The following RORA variants were observed in gnomAD, a reference collection of about 807,000 sequenced individuals.
RORA encodes the protein RAR related orphan receptor A.
In RORA, 7 loss-of-function variants were observed where a neutral mutation model predicts 69.5. The ratio of observed to expected loss-of-function variants is 0.10; its 90% confidence interval spans 0.06 to 0.19. The LOEUF (loss-of-function observed/expected upper bound fraction) is 0.19, where lower values mean the gene tolerates loss of function less well. Ranked by LOEUF, RORA falls within the 10% of genes least tolerant of loss-of-function variation. The pLI is 1.00. For missense variants in RORA, 457 were observed against 663.0 expected, an observed-to-expected ratio of 0.69 and a Z score of 3.41; for synonymous variants, 261 against 240.8, an observed-to-expected ratio of 1.08 and a Z score of -0.78.
chr15:61,207,158 G>GCA lies in RORA; in HGVS notation c.166+21893_166+21894dup, dbSNP rs148958292. Among the ~76,000 whole-genome samples, 586 of 151,670 alleles carry GCA rather than the reference G, an allele frequency of 3.9e-3. 1 individual carries two copies. The highest frequency in any genetic ancestry group is 6.9e-3 in the South Asian group (33 of 4,780). ...CACACACATGCATATATACACACAT[G>GCA]CACACACACACATACTACTTGTTGG... On this transcript the variant is annotated intron_variant, in intron 1 of 10. Coordinates refer to ENST00000335670, the MANE Select transcript of RORA (RefSeq NM_134261.3).
chr15:60,751,735 G>A (rs144933083), intron 1 of RORA, among the ~76,000 whole-genome samples: 4 of 152,206 alleles, frequency 2.6e-5, no homozygotes, highest in East Asian at 1.9e-4. Context: ...GCTTGGTGTC[G>A]CTATCCCTTC....
At chr15:60,995,728 CA>C (rs1024056845) in intron 1 of RORA, among the ~76,000 whole-genome samples, 2 of 152,206 alleles carry the variant, frequency 1.3e-5, no homozygotes, top group African/African-American at 4.8e-5. Context: ...CCCTACAAGA[CA>C]GTGAAGGCTT....
intron 2 of RORA, among the ~76,000 whole-genome samples, chr15:60,597,909 C>T (rs72748740): frequency 3.4e-4 from 51 of 151,720 alleles, no homozygotes; most frequent in Non-Finnish European, 6.9e-4. Context: ...TATGCTGTGC[C>T]GTATCTGCTT....
At chr15:61,141,113 G>A (rs751560339) in intron 1 of RORA, among the ~76,000 whole-genome samples, 1 of 152,124 alleles carries the variant, frequency 6.6e-6, no homozygotes, top group African/African-American at 2.4e-5. Context: ...GCCAAAAACT[G>A]ATCAAGGAGT....
chr15:60,530,212 TG>T (rs1451457265), intron 3 of RORA: 1 of 152,220 alleles, frequency 6.6e-6, no homozygotes, highest in Non-Finnish European at 1.5e-5. Flanking sequence ...GCGATGACAG[TG>T]GTCACAGGCA....
At position 60,490,172 on chromosome 15, in the gene RORA, G is replaced by GTA. The variant is rs1166396982; in HGVS notation, c.*7281_*7282dup. 7.6e-6 allele frequency: 1 copy of GTA among 131,464 alleles called. No individual in the cohort carries two copies. The highest frequency in any genetic ancestry group is 2.8e-5 in the African/African-American group (1 of 35,504). 8.1% of individuals were successfully genotyped at this position (131,464 alleles called of 1,614,324 possible). ...GGCATAGGTAGATATATATATATAT[G>GTA]TATATATATACAAATATATAGTTAT... On this transcript the variant is annotated 3_prime_UTR_variant, in exon 11 of 11. Coordinates refer to ENST00000335670, the MANE Select transcript of RORA (RefSeq NM_134261.3). This position sits in a 1 kb window ranked among gnomAD's most constrained non-coding sequence, Gnocchi z 4.1.
intron 1 of RORA, among the ~76,000 whole-genome samples, chr15:61,110,522 T>C (rs1285440836): frequency 6.6e-6 from 1 of 152,210 alleles, no homozygotes; most frequent in African/African-American, 2.4e-5. Flanking sequence ...GAGTGTACTC[T>C]TATTTTTTTT....
rs552839533 is a variant in RORA at position 61,200,431 on chromosome 15, G to A, written c.166+28622C>T. On this transcript the variant is annotated intron_variant, in intron 1 of 10. Coordinates refer to ENST00000335670, the MANE Select transcript of RORA (RefSeq NM_134261.3). ...TAACTTTCTGGAACATAGAGTCACC[G>A]CAGGATCCATCGGGGCCCAGAGCAA... Among the ~76,000 whole-genome samples, 15 of 152,238 alleles carry A rather than the reference G, an allele frequency of 9.9e-5. 1 individual carries two copies. The highest frequency in any genetic ancestry group is 7.7e-4 in the East Asian group (4 of 5,172).
intron 1 of RORA, among the ~76,000 whole-genome samples, chr15:61,026,695 T>C (rs906602984): frequency 1.3e-5 from 2 of 152,194 alleles, no homozygotes; most frequent in Non-Finnish European, 2.9e-5. Context: ...AACTAAACTT[T>C]TATTGATAGA....
At chr15:61,124,907 T>A (rs2079130970) in intron 1 of RORA, among the ~76,000 whole-genome samples, 1 of 152,204 alleles carries the variant, frequency 6.6e-6, no homozygotes, top group Non-Finnish European at 1.5e-5. Context: ...AATCTTTGGG[T>A]CTTATTTCCA....
chr15:60,896,761 G>C (rs1465929742), intron 1 of RORA, among the ~76,000 whole-genome samples: 1 of 138,340 alleles, frequency 7.2e-6, no homozygotes, highest in Non-Finnish European at 1.5e-5. Flanking sequence ...TGGCTGCATA[G>C]CCAAGGGAAT....
In RORA at chr15:60,866,791, T is replaced by A. The variant is rs868336465; in HGVS notation, c.167-188105A>T. 1.1e-4 allele frequency among the ~76,000 whole-genome samples: 16 copies of A among 151,938 alleles called. 1 individual carries two copies. Among genetic ancestry groups the A allele is most frequent in the Admixed American group, 1.0e-3 (16 of 15,262 alleles). ...TATCTTGTCTTATGCATCTTTTCCA[T>A]CTGGGTGTTCCTGAGTTGTATCTTA... On this transcript the variant is annotated intron_variant, in intron 1 of 10. Coordinates refer to ENST00000335670, the MANE Select transcript of RORA (RefSeq NM_134261.3).
intron 1 of RORA, among the ~76,000 whole-genome samples, chr15:60,809,550 T>C (rs2072711841): frequency 2.0e-5 from 3 of 152,194 alleles, no homozygotes. Context: ...GATGTTTCTG[T>C]TTTAGGCTTT....
At chr15:60,908,102 A>T (rs1380328892) in intron 1 of RORA, among the ~76,000 whole-genome samples, 1 of 152,068 alleles carries the variant, frequency 6.6e-6, no homozygotes, top group Non-Finnish European at 1.5e-5. Context: ...CTCTGCCCAT[A>T]GCTCACCCAG....
chr15:60,723,155 C>T (rs1239337105), intron 1 of RORA, among the ~76,000 whole-genome samples: 4 of 152,096 alleles, frequency 2.6e-5, no homozygotes, highest in Non-Finnish European at 5.9e-5. Flanking sequence ...TACATAGGGA[C>T]TCCTTATCCA....
chr15:60,755,433 C>T (rs1009103749), intron 1 of RORA, among the ~76,000 whole-genome samples: 2 of 151,786 alleles, frequency 1.3e-5, no homozygotes, highest in South Asian at 2.1e-4. Context: ...TGAATAGTGC[C>T]GCAATAAACA....
chr15:60,681,807 T>C (rs1377315538), intron 1 of RORA: 1 of 152,208 alleles, frequency 6.6e-6, no homozygotes, highest in African/African-American at 2.4e-5. Flanking sequence ...GCCAGTGTTT[T>C]TCCTCAAGTG....
At chr15:60,789,937 C>T (rs1328938341) in intron 1 of RORA, among the ~76,000 whole-genome samples, 1 of 152,206 alleles carries the variant, frequency 6.6e-6, no homozygotes, top group Non-Finnish European at 1.5e-5. Context: ...AGCCAAATAA[C>T]TTTGGGAAGG....
chr15:60,947,728 C>T (rs1040664070), intron 1 of RORA, among the ~76,000 whole-genome samples: 5 of 146,524 alleles, frequency 3.4e-5, no homozygotes, highest in Admixed American at 1.4e-4. Context: ...AAAAAAGGGC[C>T]GTTTTCCAGA....
Sources: allele counts gnomAD v4.1 joint callset (sites outside exome capture counted in the v4.1 genomes callset), GRCh38; gene constraint gnomAD v4.1.1; non-coding constraint Gnocchi (gnomAD v3.1); transcripts MANE v1.5; gene names NCBI Gene and HGNC (gene_info 2026-07-23, HGNC 2026-07-21).